The following CIT variants were observed in gnomAD, a reference collection of about 807,000 sequenced individuals.
CIT encodes citron Rho-interacting kinase.
Under a neutral mutation model 272.7 loss-of-function variants are expected in CIT, and 79 were observed. The observed-to-expected ratio is 0.29, with a 90% CI of 0.24 to 0.35. CIT has a LOEUF of 0.35. CIT is among the 10% of genes least tolerant of loss of function. The probability of loss-of-function intolerance (pLI) is 1.00; values close to 1 mark genes in which losing one functional copy is unlikely to be tolerated. For missense variants in CIT, 1,909 were observed against 2,618.3 expected (o/e 0.73, Z 5.91); for synonymous variants, 948 against 995.6 (o/e 0.95, Z 0.90).
At position 119,871,457 on chromosome 12, in the gene CIT, A is replaced by AAAAC. The variant is rs201573332; in HGVS notation, c.97-2260_97-2257dup. Reference sequence around the variant, plus strand: ...CACAACAGCACTGGAGAATTTAAGAAAAACAAACAAACAAACAAACACATT... The same window carrying AAAAC: ...CACAACAGCACTGGAGAATTTAAGAAAAACAAACAAACAAACAAACAAACACATT... On this transcript the variant is annotated intron_variant, in intron 2 of 47. Coordinates refer to ENST00000392521, the MANE Select transcript of CIT (RefSeq NM_001206999.2). Among the ~76,000 whole-genome samples, 1,295 of 152,318 alleles carry AAAAC rather than the reference A, an allele frequency of 8.5e-3. 19 individuals are homozygous for AAAAC. The highest frequency in any genetic ancestry group is 0.028 in the African/African-American group (1,181 of 41,566).
In CIT at chr12:119,722,858, C is replaced by T. The variant is rs1342291875; in HGVS notation, c.3592-1409G>A. The stretch of plus-strand genomic sequence containing the variant: ...CCCTCTCATCCTCCCGTCTGCCTTT[C>T]CCTAACAGTACTGCCACAAAGGAAG... On this transcript the variant is annotated intron_variant, in intron 28 of 47. Coordinates refer to ENST00000392521, the MANE Select transcript of CIT (RefSeq NM_001206999.2). Among the ~76,000 whole-genome samples the T allele has an allele frequency of 2.0e-5, 3 of 152,164 alleles. No homozygotes were observed. The East Asian group carries it at 5.8e-4, about 29-fold the overall frequency.
chr12:119,812,399 C>T (rs112262239), intron 9 of CIT, among the ~76,000 whole-genome samples: 2,178 of 152,220 alleles, frequency 0.014, 46 homozygotes, highest in African/African-American at 0.05. Context: ...GCTGCCTTCC[C>T]GATCTCTTTA....
At chr12:119,857,433 G>C in intron 4 of CIT, 90 bp downstream of exon 4, 1 of 1,320,582 alleles carries the variant, frequency 7.6e-7, no homozygotes, top group Non-Finnish European at 1.0e-6. Context: ...AAACGTGCTT[G>C]ATCCTAGACG....
At position 119,712,722 on chromosome 12, in the gene CIT, G is replaced by A. The variant is rs759474345; in HGVS notation, c.4580-27C>T. 6.3e-7 allele frequency: 1 copy of A among 1,584,134 alleles called. No individual in the cohort carries two copies. The highest frequency in any genetic ancestry group is 1.3e-5 in the African/African-American group (1 of 74,248). ...TTGGTGCAAAGAGGAAGGGCAGAAA[G>A]AAAAACAAAAGAACAGGAACAAGAA... On this transcript the variant is annotated intron_variant, in intron 35 of 47. Coordinates refer to ENST00000392521, the MANE Select transcript of CIT (RefSeq NM_001206999.2). The surrounding 1 kb of genome is among the most constrained non-coding windows in gnomAD (Gnocchi z 5.2).
chr12:119,858,559 G>A (rs551804413), intron 3 of CIT, among the ~76,000 whole-genome samples: 7 of 151,494 alleles, frequency 4.6e-5, no homozygotes, highest in African/African-American at 1.2e-4. Context: ...AGTGGCTCAC[G>A]CCTGTAATCC....
In CIT at chr12:119,820,019, A is replaced by C. The variant is rs12579697; in HGVS notation, c.1111+2801T>G. Among the ~76,000 whole-genome samples, 76 of 152,288 alleles carry C rather than the reference A, an allele frequency of 5.0e-4. 2 individuals are homozygous for C. In the East Asian group the frequency reaches 0.014, roughly 27 times the overall value. On this transcript the variant is annotated intron_variant, in intron 9 of 47. Coordinates refer to ENST00000392521, the MANE Select transcript of CIT (RefSeq NM_001206999.2). ...CAATACCAATCCTCGGTGGGCATGA[A>C]GATCCCACCTGCTGGCTGAGCTACA...
Position 119,718,489 on chromosome 12 carries a change from T to A in CIT, c.4004-80A>T. 6.6e-7 allele frequency: 1 copy of A among 1,521,534 alleles called. No individual in the cohort carries two copies. The highest frequency in any genetic ancestry group is 8.9e-7 in the Non-Finnish European group (1 of 1,126,550). The allele number at this position is 1,521,534 out of a possible 1,614,324, so 94.3% of individuals were successfully genotyped here. A position where few individuals can be genotyped will look rare whatever the true frequency, so the allele number is the denominator to read the frequency against. ...AACTAAGCCGAATGTCCCTGGGCTA[T>A]CTTTCAAGGACCCAAGACCAAAAGA... On this transcript the variant is annotated intron_variant, in intron 31 of 47. Coordinates refer to ENST00000392521, the MANE Select transcript of CIT (RefSeq NM_001206999.2). The surrounding 1 kb of genome is among the most constrained non-coding windows in gnomAD (Gnocchi z 4.8).
At position 119,712,651 on chromosome 12, in the gene CIT, C is replaced by G. The variant is rs772677725; in HGVS notation, c.4624G>C (p.Gly1542Arg). The part of the protein sequence containing the change: ...VEEFELCLPD[G>R]DVSIHGAVGA... ...ACGGCACCATGAATAGATACATCCC[C>G]GTCGGGAAGGCACAGCTCAAATTCT... The change falls in exon 36 of 48, where the codon GGG becomes CGG. Residue 1542 changes from glycine (G) to arginine (R), a missense_variant. By Grantham distance (125) the Gly-to-Arg change is moderately radical. Transcript: ENST00000392521. The surrounding 1 kb of genome is among the most constrained non-coding windows in gnomAD (Gnocchi z 5.2). 6.2e-7 allele frequency: 1 copy of G among 1,614,144 alleles called. No homozygotes were observed.
In CIT at chr12:119,784,178, G is replaced by A; in HGVS notation, c.1402-127C>T. On this transcript the variant is annotated intron_variant, in intron 11 of 47. Transcript: ENST00000392521. The surrounding 1 kb of genome is among the most constrained non-coding windows in gnomAD (Gnocchi z 4.7). Reference sequence around the variant, plus strand: ...GCTAATTCGCCAAAAGTTAAGTTGGGATGGAAATACCATTGTTTCTTCGCC... The same window carrying A: ...GCTAATTCGCCAAAAGTTAAGTTGGAATGGAAATACCATTGTTTCTTCGCC... 2 of 1,610,088 alleles carry A rather than the reference G, an allele frequency of 1.2e-6. No individual in the cohort carries two copies. Among genetic ancestry groups the A allele is most frequent in the Non-Finnish European group, 1.7e-6 (2 of 1,177,798 alleles).
chr12:119,834,246 G>A lies in CIT; in HGVS notation c.517-18C>T. 1 of 1,571,484 alleles carries A rather than the reference G, an allele frequency of 6.4e-7. No homozygotes were observed. The highest frequency in any genetic ancestry group is 8.6e-7 in the Non-Finnish European group (1 of 1,161,962). Reference sequence around the variant, plus strand: ...TCCATGACCTGTATAGAATGCCAAAGTTATTAATTCTTCACACACCCAAAA... The same window carrying A: ...TCCATGACCTGTATAGAATGCCAAAATTATTAATTCTTCACACACCCAAAA... On this transcript the variant is annotated intron_variant, in intron 5 of 47. Transcript: ENST00000392521.
At chr12:119,856,213 A>G (rs964593596) in intron 4 of CIT, among the ~76,000 whole-genome samples, 18 of 152,184 alleles carry the variant, frequency 1.2e-4, no homozygotes, top group Non-Finnish European at 1.9e-4. Context: ...CCAGAGGCCT[A>G]AATAATCCCC....
At chr12:119,808,155 T>A (rs1966715557) in intron 9 of CIT, among the ~76,000 whole-genome samples, 1 of 152,134 alleles carries the variant, frequency 6.6e-6, no homozygotes, top group African/African-American at 2.4e-5. Context: ...TTTTTAATCC[T>A]AACATTCATT....
rs571014680 is a variant in CIT at position 119,752,170 on chromosome 12, G to A, written c.2784C>T (p.Arg928=). The change falls in exon 23 of 48, where the codon CGC becomes CGT. Residue 928 remains arginine, a synonymous_variant. Transcript: ENST00000392521. The part of the protein sequence containing the change: ...LTELQLSLQE[R]ESQLTALQAA... ...CCTGCAGGGCTGTCAACTGTGACTC[G>A]CGCTCCTGCAGGGAGAGCTGTAGCT... is the stretch of plus-strand genomic sequence containing the variant. 57 of 1,612,530 alleles carry A rather than the reference G, an allele frequency of 3.5e-5. No homozygotes were observed. The highest frequency in any genetic ancestry group is 2.7e-4 in the East Asian group (12 of 44,890).
Position 119,798,929 on chromosome 12 carries a change from C to T in CIT, c.1295+4277G>A, listed in dbSNP as rs545524970. Among the ~76,000 whole-genome samples the T allele has an allele frequency of 3.9e-5, 6 of 152,372 alleles. No homozygotes were observed. The South Asian group carries it at 1.2e-3, about 32-fold the overall frequency. On this transcript the variant is annotated intron_variant, in intron 10 of 47. Transcript: ENST00000392521. ...CAATGGTGTTTGCTTTACTTTCTCT[C>T]AGTTGTTTCAACATAACCTGTTTTG...
intron 29 of CIT, among the ~76,000 whole-genome samples, chr12:119,720,963 T>G (rs1957790097): frequency 6.6e-6 from 1 of 152,078 alleles, no homozygotes; most frequent in Non-Finnish European, 1.5e-5. Flanking sequence ...CTCTGCAGAC[T>G]TATTTATTTA....
At chr12:119,836,540 G>A (rs1385960162) in intron 5 of CIT, among the ~76,000 whole-genome samples, 7 of 151,826 alleles carry the variant, frequency 4.6e-5, no homozygotes, top group Admixed American at 6.6e-5. Context: ...TATTGACATC[G>A]AAAAGGTCTT....
At chr12:119,741,148 C>T (rs1959038090) in intron 24 of CIT, among the ~76,000 whole-genome samples, 1 of 137,870 alleles carries the variant, frequency 7.3e-6, no homozygotes, top group African/African-American at 2.8e-5. Context: ...AAACACCACA[C>T]AGTGATAAAA....
intron 32 of CIT, among the ~76,000 whole-genome samples, chr12:119,714,951 G>A (rs186994726): frequency 4.7e-4 from 72 of 152,342 alleles, no homozygotes; most frequent in Middle Eastern, 3.4e-3. Context: ...ATGGTGATAT[G>A]GTTTGGCTGT....
rs1488832857 is a variant in CIT at position 119,710,500 on chromosome 12, G to A, written c.4935+40C>T. On this transcript the variant is annotated intron_variant, in intron 38 of 47. Coordinates refer to ENST00000392521, the MANE Select transcript of CIT (RefSeq NM_001206999.2). This position sits in a 1 kb window ranked among gnomAD's most constrained non-coding sequence, Gnocchi z 5.6. Reference sequence around the variant, plus strand: ...CTTTCTTTCTTGATGGGGTGTGGCTGTAACCAGACACCAGCTGGCCGTGCC... The same window carrying A: ...CTTTCTTTCTTGATGGGGTGTGGCTATAACCAGACACCAGCTGGCCGTGCC... The A allele has an allele frequency of 1.2e-6, 2 of 1,612,790 alleles. No individual in the cohort carries two copies. Among genetic ancestry groups the A allele is most frequent in the African/African-American group, 1.3e-5 (1 of 74,886 alleles).
Sources: allele counts gnomAD v4.1 joint callset (sites outside exome capture counted in the v4.1 genomes callset), GRCh38; gene constraint gnomAD v4.1.1; non-coding constraint Gnocchi (gnomAD v3.1); transcripts MANE v1.5; gene names NCBI Gene and HGNC (gene_info 2026-07-23, HGNC 2026-07-21).